GFM1: variants seen among roughly 807,000 people sequenced by gnomAD.
GFM1 encodes G elongation factor mitochondrial 1.
Under a neutral mutation model 96.2 loss-of-function variants are expected in GFM1, and 62 were observed. That is an observed-to-expected ratio of 0.64 (90% CI 0.53 to 0.80). The LOEUF (loss-of-function observed/expected upper bound fraction) is 0.80. Among genes scored for constraint, GFM1 ranks in the 30% least tolerant of loss-of-function variants. The pLI is 0.00. For synonymous variants in GFM1, 282 were observed against 312.9 expected (o/e 0.90, Z 1.04); for missense variants, 852 against 916.6 (o/e 0.93, Z 0.91).
intron 6 of GFM1, among the ~76,000 whole-genome samples, chr3:158,652,921 C>T (rs1008534680): frequency 2.6e-5 from 4 of 152,144 alleles, no homozygotes; most frequent in Non-Finnish European, 2.9e-5. Flanking sequence ...TCTGGTGTAC[C>T]ATTCCATAGG....
At chr3:158,654,886 G>T (rs546881062) in intron 8 of GFM1, among the ~76,000 whole-genome samples, 143 of 152,114 alleles carry the variant, frequency 9.4e-4, no homozygotes, top group African/African-American at 3.3e-3. Flanking sequence ...GTTTTGTCCT[G>T]CTCTTTTTAT....
chr3:158,672,565 G>T (rs1406700830), intron 13 of GFM1: 2 of 1,549,002 alleles, frequency 1.3e-6, no homozygotes, highest in African/African-American at 2.7e-5. Context: ...TTGCTGCTGG[G>T]TCCGGTTGCC....
intron 15 of GFM1, among the ~76,000 whole-genome samples, chr3:158,688,091 C>G (rs1034638101): frequency 3.3e-5 from 5 of 151,954 alleles, no homozygotes; most frequent in African/African-American, 1.2e-4. Flanking sequence ...ATTGGAAGAA[C>G]AATAGTTCAA....
chr3:158,671,089 A>G (rs963575307), intron 13 of GFM1: 31 of 1,376,450 alleles, frequency 2.3e-5, no homozygotes, highest in Non-Finnish European at 2.9e-5. Context: ...TGTTAGAAGT[A>G]TGCATCTCAT....
In GFM1 at chr3:158,691,273, T is replaced by C. The variant is rs981672083; in HGVS notation, c.2125-63T>C. The C allele has an allele frequency of 5.3e-5, 86 of 1,608,690 alleles. No homozygotes were observed. The Admixed American group carries it at 6.9e-4, about 13-fold the overall frequency. ...TAAAATCTTGACCTTGTATGACTTT[T>C]ACTTGATAGTTTAAAAAACAAACAA... On this transcript the variant is annotated intron_variant, in intron 17 of 17. Transcript: ENST00000486715.
intron 3 of GFM1, 56 bp from the exon 4 acceptor site, chr3:158,646,687 A>G: frequency 7.2e-7 from 1 of 1,391,274 alleles, no homozygotes. Context: ...CTAATAGTGC[A>G]TATATTAAAA....
chr3:158,677,158 A>G (rs145846458), intron 13 of GFM1, among the ~76,000 whole-genome samples: 1 of 152,322 alleles, frequency 6.6e-6, no homozygotes, highest in East Asian at 1.9e-4. Flanking sequence ...TTGAGGTACC[A>G]TGAAACCTGC....
intron 13 of GFM1, chr3:158,669,072 C>A: frequency 2.5e-6 from 4 of 1,613,678 alleles, no homozygotes; most frequent in Non-Finnish European, 3.4e-6. Context: ...TATATAACCA[C>A]AGGCAACCCA....
intron 15 of GFM1, among the ~76,000 whole-genome samples, chr3:158,686,328 GGAAAAA>G (rs1725838456): frequency 6.8e-6 from 1 of 146,226 alleles, no homozygotes; most frequent in African/African-American, 2.5e-5. Flanking sequence ...ATATACTGTG[GGAAAAA>G]GATACATATA....
rs774700533 is a variant in GFM1 at position 158,645,595 on chromosome 3, G to A, written c.82-34G>A. On this transcript the variant is annotated intron_variant, in intron 1 of 17. Coordinates refer to ENST00000486715, the MANE Select transcript of GFM1 (RefSeq NM_024996.7). ...TTGTCTGTTGTTCTCTCTTATAAAA[G>A]GTGCATAGAATTGAGCTCTCGTATT... The A allele has an allele frequency of 2.6e-6, 4 of 1,567,684 alleles. No individual in the cohort carries two copies. The East Asian group carries it at 6.7e-5, about 26-fold the overall frequency.
rs1474705792 is a variant in GFM1, at chr3:158,650,069, A to G, written c.689+912A>G. Reference sequence around the variant, plus strand: ...GGATCGCAGGTCTGGCAGGTGGGCGAATGGCATTGTGATCAGTGAACTATA... The same window carrying G: ...GGATCGCAGGTCTGGCAGGTGGGCGGATGGCATTGTGATCAGTGAACTATA... On this transcript the variant is annotated intron_variant, in intron 5 of 17. Coordinates refer to ENST00000486715, the MANE Select transcript of GFM1 (RefSeq NM_024996.7). 3.3e-6 allele frequency: 5 copies of G among 1,533,646 alleles called. No homozygotes were observed. The African/African-American group carries it at 5.5e-5, about 17-fold the overall frequency.
intron 14 of GFM1, among the ~76,000 whole-genome samples, chr3:158,683,319 C>G (rs1402444899): frequency 6.6e-6 from 1 of 152,154 alleles, no homozygotes; most frequent in African/African-American, 2.4e-5. Flanking sequence ...ATATTTTGTG[C>G]TATCTGCGCA....
rs1195504127 is a variant in GFM1, at chr3:158,644,671, G to C, written c.37G>C (p.Gly13Arg). Reference sequence around the variant, plus strand: ...GGGAGCTGCAGCCGTCGCGGCTCTGGGGCGCGGAAGGGCCCCCGCCTCCCT... The same window carrying C: ...GGGAGCTGCAGCCGTCGCGGCTCTGCGGCGCGGAAGGGCCCCCGCCTCCCT... ...LLGAAAVAAL[G>R]RGRAPASLGW... is the part of the protein sequence containing the mutation. Residue 13 changes from glycine to arginine, a missense_variant, in exon 1 of 18, where the codon GGG becomes CGG. Physicochemically the swap from Gly to Arg is moderately radical, Grantham distance 125 (BLOSUM62 -2). Transcript: ENST00000486715. The C allele has an allele frequency of 6.3e-7, 1 of 1,578,878 alleles. No homozygotes were observed. The highest frequency in any genetic ancestry group is 1.9e-5 in the Admixed American group (1 of 53,596).
Position 158,645,043 on chromosome 3 carries a change from C to T in GFM1, c.81+328C>T, listed in dbSNP as rs78541993. Among the ~76,000 whole-genome samples, 12 of 143,662 alleles carry T rather than the reference C, an allele frequency of 8.4e-5. No individual in the cohort carries two copies. In the East Asian group the frequency reaches 1.4e-3, roughly 17 times the overall value. 94.2% of individuals were successfully genotyped at this position (143,662 alleles called of 152,430 possible). A position where few individuals can be genotyped will look rare whatever the true frequency, so the allele number is the denominator to read the frequency against. On this transcript the variant is annotated intron_variant, in intron 1 of 17. Coordinates refer to ENST00000486715, the MANE Select transcript of GFM1 (RefSeq NM_024996.7). ...TAATTGTGCATTTTGGATGTGCAGT[C>T]CTATAGGGAAAGGTTTATATTGTAT...
chr3:158,681,752 C>G (rs990753472), intron 13 of GFM1, among the ~76,000 whole-genome samples: 15 of 152,100 alleles, frequency 9.9e-5, no homozygotes, highest in African/African-American at 3.4e-4. Flanking sequence ...TCGACTTTTA[C>G]TTTTTTATTT....
chr3:158,676,621 A>G (rs956854332), intron 13 of GFM1, among the ~76,000 whole-genome samples: 1 of 151,954 alleles, frequency 6.6e-6, no homozygotes, highest in Non-Finnish European at 1.5e-5. Flanking sequence ...ATTGTGTTTC[A>G]CAGATAGTAT....
intron 13 of GFM1, among the ~76,000 whole-genome samples, chr3:158,674,450 G>A (rs1255648420): frequency 6.6e-6 from 1 of 152,036 alleles, no homozygotes; most frequent in African/African-American, 2.4e-5. Flanking sequence ...TTTTCGATGG[G>A]GTTGTCAGAT....
intron 13 of GFM1, among the ~76,000 whole-genome samples, chr3:158,671,365 C>A (rs970854747): frequency 6.6e-6 from 1 of 152,166 alleles, no homozygotes; most frequent in African/African-American, 2.4e-5. Context: ...GACAATATCA[C>A]CTTTGAAAAG....
At chr3:158,664,614 C>T (rs551209174) in intron 11 of GFM1, among the ~76,000 whole-genome samples, 7 of 152,232 alleles carry the variant, frequency 4.6e-5, no homozygotes, top group African/African-American at 1.7e-4. Flanking sequence ...TCCCTCTGAC[C>T]CCCCCTTCTA....
Sources: allele counts gnomAD v4.1 joint callset (sites outside exome capture counted in the v4.1 genomes callset), GRCh38; gene constraint gnomAD v4.1.1; transcripts MANE v1.5; gene names NCBI Gene and HGNC (gene_info 2026-07-23, HGNC 2026-07-21).